PCDH11X: variants seen among roughly 807,000 people sequenced by gnomAD.
The protein encoded by PCDH11X is protocadherin-11 X-linked.
Under a neutral mutation model 53.3 loss-of-function variants are expected in PCDH11X, and 18 were observed. That is an observed-to-expected ratio of 0.34 (90% CI 0.23 to 0.50). The LOEUF (loss-of-function observed/expected upper bound fraction) is 0.50, where lower values mean the gene tolerates loss of function less well. PCDH11X is among the 20% of genes least tolerant of loss of function. PCDH11X has a pLI of 0.98. For missense variants in PCDH11X, 570 were observed against 1,032.4 expected (o/e 0.55, Z 6.14); for synonymous variants, 279 against 393.3 (o/e 0.71, Z 3.44).
chrX:92,409,017 C>T lies in PCDH11X; in HGVS notation c.3343+21084C>T, dbSNP rs770320296. Reference sequence around the variant, plus strand: ...ATGATACAATTTAAGCTGGGAAGTACCAATATTAGATTACTGTGTGCTGTA... The same window carrying T: ...ATGATACAATTTAAGCTGGGAAGTATCAATATTAGATTACTGTGTGCTGTA... On this transcript the variant is annotated intron_variant, in intron 9 of 10. Coordinates refer to ENST00000682573, the MANE Select transcript of PCDH11X (RefSeq NM_032968.5). 1.9e-4 allele frequency among the ~76,000 whole-genome samples: 20 copies of T among 103,255 alleles called. No individual in the cohort carries two copies. In the East Asian group the frequency reaches 6.0e-3, roughly 31 times the overall value. The allele number at this position is 103,255 out of a possible 115,157, so 89.7% of individuals were successfully genotyped here. A position where few individuals can be genotyped will look rare whatever the true frequency, so the allele number is the denominator to read the frequency against.
chrX:92,345,303 G>C (rs191536999), intron 8 of PCDH11X, among the ~76,000 whole-genome samples: 2 of 109,896 alleles, frequency 1.8e-5, no homozygotes. Flanking sequence ...TTCAACTATA[G>C]ACAGGGTACA....
At chrX:92,433,524 G>T (rs2072298798) in intron 9 of PCDH11X, among the ~76,000 whole-genome samples, 1 of 109,652 alleles carries the variant, frequency 9.1e-6, no homozygotes, top group Admixed American at 9.8e-5. Flanking sequence ...CTTTCTCTTA[G>T]ATTTTATGCT....
chrX:91,880,323 G>A (rs896437593), intron 6 of PCDH11X, among the ~76,000 whole-genome samples: 3 of 111,284 alleles, frequency 2.7e-5, no homozygotes, highest in African/African-American at 9.8e-5. Context: ...TCTTAAAAAA[G>A]TATTAATCTT....
At chrX:92,409,791 C>T (rs1385911128) in intron 9 of PCDH11X, among the ~76,000 whole-genome samples, 2 of 111,942 alleles carry the variant, frequency 1.8e-5, no homozygotes, top group African/African-American at 6.5e-5. Flanking sequence ...TGGTTAATTG[C>T]TTTACTCTAC....
intron 6 of PCDH11X, among the ~76,000 whole-genome samples, chrX:92,108,477 G>A (rs34239064): frequency 9.1e-6 from 1 of 110,206 alleles, no homozygotes; most frequent in Non-Finnish European, 1.9e-5. Context: ...GTTAGTTTTC[G>A]GCTGCATTGA....
At chrX:92,176,954 GTTTTTTTTTTTC>G (rs1409165696) in intron 6 of PCDH11X, among the ~76,000 whole-genome samples, 2 of 101,937 alleles carry the variant, frequency 2.0e-5, no homozygotes, top group African/African-American at 7.1e-5. Flanking sequence ...GTACAACGTA[GTTTTTTTTTTTC>G]TTTTTTTTTT....
intron 10 of PCDH11X, among the ~76,000 whole-genome samples, chrX:92,536,646 TA>T (rs2074663327): frequency 1.1e-5 from 1 of 89,171 alleles, no homozygotes; most frequent in African/African-American, 3.8e-5. Flanking sequence ...GTCTCTTGGA[TA>T]AAAGCCTTTT....
At chrX:91,860,103 G>GTA (rs1347476812) in intron 5 of PCDH11X, among the ~76,000 whole-genome samples, 2 of 109,366 alleles carry the variant, frequency 1.8e-5, no homozygotes, top group Non-Finnish European at 3.8e-5. Context: ...GCATGGTAAG[G>GTA]TATATTTTTC....
intron 6 of PCDH11X, among the ~76,000 whole-genome samples, chrX:92,044,755 TTCTC>T (rs747531356): frequency 1.9e-5 from 2 of 103,958 alleles, no homozygotes; most frequent in East Asian, 3.2e-4. Context: ...AATTCATGAA[TTCTC>T]TCTAAGAGAA....
At chrX:92,517,979 C>T (rs2074298457) in intron 10 of PCDH11X, among the ~76,000 whole-genome samples, 1 of 110,108 alleles carries the variant, frequency 9.1e-6, no homozygotes, top group Admixed American at 9.7e-5. Context: ...TTTTCATTCA[C>T]AGGGGCTCAG....
At chrX:91,797,767 G>A (rs1353303144) in intron 1 of PCDH11X, among the ~76,000 whole-genome samples, 1 of 108,598 alleles carries the variant, frequency 9.2e-6, no homozygotes, top group Non-Finnish European at 1.9e-5. Context: ...CAATTAAAAT[G>A]CAGCAATTCC....
At chrX:91,851,757 G>C (rs180812845) in intron 5 of PCDH11X, among the ~76,000 whole-genome samples, 1 of 111,633 alleles carries the variant, frequency 9.0e-6, no homozygotes, top group East Asian at 2.8e-4. Context: ...ATAAACCCAA[G>C]TATTATATTT....
At chrX:91,926,711 A>G (rs1211063101) in intron 6 of PCDH11X, among the ~76,000 whole-genome samples, 1 of 110,976 alleles carries the variant, frequency 9.0e-6, no homozygotes, top group Non-Finnish European at 1.9e-5. Flanking sequence ...ACATAATTGT[A>G]CATATTTATG....
chrX:91,983,271 T>C (rs769601685), intron 6 of PCDH11X: 1 of 899,221 alleles, frequency 1.1e-6, no homozygotes, highest in Non-Finnish European at 1.6e-6. Flanking sequence ...CCTAGTGTAT[T>C]GTCGGTGTTC....
At chrX:91,863,728 G>A (rs1335679773) in intron 5 of PCDH11X, among the ~76,000 whole-genome samples, 1 of 111,276 alleles carries the variant, frequency 9.0e-6, no homozygotes, top group Non-Finnish European at 1.9e-5. Flanking sequence ...CTGGTGAAAT[G>A]TTTTAGTCTC....
intron 8 of PCDH11X, among the ~76,000 whole-genome samples, chrX:92,324,047 G>C (rs1365621337): frequency 1.9e-5 from 2 of 105,239 alleles, no homozygotes; most frequent in East Asian, 5.9e-4. Flanking sequence ...TAAGAGCAAT[G>C]ATTATGTGGT....
intron 6 of PCDH11X, among the ~76,000 whole-genome samples, chrX:91,912,849 C>G (rs372650077): frequency 8.5e-4 from 95 of 111,743 alleles, no homozygotes; most frequent in African/African-American, 3.0e-3. Flanking sequence ...GCAAATTCCA[C>G]AAAACAGGCG....
chrX:92,400,264 C>A (rs1206500253), intron 9 of PCDH11X, among the ~76,000 whole-genome samples: 7 of 111,625 alleles, frequency 6.3e-5, no homozygotes, highest in Non-Finnish European at 1.3e-4. Flanking sequence ...CAGCAAACAT[C>A]TCTGCAGGTG....
intron 9 of PCDH11X, among the ~76,000 whole-genome samples, chrX:92,402,017 C>T (rs868350156): frequency 1.6e-4 from 18 of 110,443 alleles, no homozygotes; most frequent in Middle Eastern, 4.2e-3. Flanking sequence ...AGATTAATTC[C>T]GTTATCAAAT....
Sources: allele counts gnomAD v4.1 joint callset (sites outside exome capture counted in the v4.1 genomes callset), GRCh38; gene constraint gnomAD v4.1.1; transcripts MANE v1.5; gene names NCBI Gene and HGNC (gene_info 2026-07-23, HGNC 2026-07-21).